The following DLG2 variants were observed in gnomAD, a reference collection of about 807,000 sequenced individuals.
DLG2 encodes the protein disks large homolog 2.
A neutral mutation model predicts 132.5 loss-of-function variants in DLG2; 45 were observed. That is an observed-to-expected ratio of 0.34 (90% CI 0.27 to 0.44). DLG2 has a LOEUF of 0.44. DLG2 is among the 20% of genes least tolerant of loss of function. DLG2 has a pLI of 1.00. For synonymous variants in DLG2, 424 were observed against 419.6 expected, an observed-to-expected ratio of 1.01 and a Z score of -0.13; for missense variants, 1,045 against 1,196.9, an observed-to-expected ratio of 0.87 and a Z score of 1.87.
At chr11:85,384,367 T>C (rs573768565) in intron 3 of DLG2, among the ~76,000 whole-genome samples, 1 of 152,034 alleles carries the variant, frequency 6.6e-6, no homozygotes, top group Non-Finnish European at 1.5e-5. Flanking sequence ...CATATAGAAA[T>C]GCAAGGGATA....
intron 18 of DLG2, among the ~76,000 whole-genome samples, chr11:83,660,957 A>T (rs1374088530): frequency 6.6e-6 from 1 of 152,130 alleles, no homozygotes; most frequent in Non-Finnish European, 1.5e-5. Context: ...GTTGGAGATT[A>T]TACTAAGTTT....
chr11:83,960,060 C>G (rs933608509), intron 14 of DLG2, among the ~76,000 whole-genome samples: 1 of 151,932 alleles, frequency 6.6e-6, no homozygotes, highest in African/African-American at 2.4e-5. Flanking sequence ...ATTTCAAGTT[C>G]TAATTCTTGC....
intron 3 of DLG2, among the ~76,000 whole-genome samples, chr11:85,460,757 T>C (rs1326967696): frequency 1.3e-5 from 2 of 152,218 alleles, no homozygotes; most frequent in African/African-American, 2.4e-5. Context: ...CATTGAAGGA[T>C]CCTGAAGAGA....
At chr11:84,537,261 C>T (rs1480819859) in intron 6 of DLG2, among the ~76,000 whole-genome samples, 1 of 152,106 alleles carries the variant, frequency 6.6e-6, no homozygotes, top group Non-Finnish European at 1.5e-5. Context: ...CGGGCACCAC[C>T]ACGCCTGGCT....
intron 3 of DLG2, among the ~76,000 whole-genome samples, chr11:85,350,518 CTTCTAGGGTT>C (rs1376681726): frequency 6.6e-6 from 1 of 152,164 alleles, no homozygotes; most frequent in Non-Finnish European, 1.5e-5. Context: ...CCTAGGTTTT[CTTCTAGGGTT>C]TTTATGGTTT....
At chr11:83,468,360 C>T (rs2091505161) in intron 25 of DLG2, among the ~76,000 whole-genome samples, 1 of 152,092 alleles carries the variant, frequency 6.6e-6, no homozygotes, top group African/African-American at 2.4e-5. Context: ...ATTCACCAGT[C>T]AGAACATTTC....
chr11:83,846,962 G>GAAAAA (rs2058749097), intron 16 of DLG2, among the ~76,000 whole-genome samples: 1 of 138,568 alleles, frequency 7.2e-6, no homozygotes, highest in African/African-American at 2.7e-5. Context: ...AAAAAAAAAG[G>GAAAAA]ATTACCCCTC....
chr11:85,131,364 C>A (rs2075695362), intron 5 of DLG2, among the ~76,000 whole-genome samples: 1 of 151,928 alleles, frequency 6.6e-6, no homozygotes, highest in South Asian at 2.1e-4. Flanking sequence ...AATAAATAAT[C>A]ATAAAACACA....
chr11:84,947,993 C>T (rs1402591787), intron 6 of DLG2, among the ~76,000 whole-genome samples: 1 of 152,146 alleles, frequency 6.6e-6, no homozygotes, highest in Non-Finnish European at 1.5e-5. Flanking sequence ...TAGCTAACTT[C>T]CTCTCTGATC....
At chr11:83,540,277 C>G (rs891368146) in intron 20 of DLG2, among the ~76,000 whole-genome samples, 2 of 152,168 alleles carry the variant, frequency 1.3e-5, no homozygotes, top group Non-Finnish European at 2.9e-5. Flanking sequence ...GGAATATAAA[C>G]AAGCCAGTGC....
At chr11:84,963,502 G>A (rs751190353) in intron 6 of DLG2, among the ~76,000 whole-genome samples, 1 of 152,118 alleles carries the variant, frequency 6.6e-6, no homozygotes, top group African/African-American at 2.4e-5. Context: ...TTCATTAACT[G>A]TTCCAGAGAC....
chr11:84,488,324 T>G (rs1007855632), intron 7 of DLG2, among the ~76,000 whole-genome samples: 1 of 151,982 alleles, frequency 6.6e-6, no homozygotes, highest in Admixed American at 6.6e-5. Context: ...TGGGAGGTGG[T>G]AGGAGAATAA....
chr11:83,978,335 C>G (rs542921876), intron 12 of DLG2, among the ~76,000 whole-genome samples: 155 of 152,094 alleles, frequency 1.0e-3, no homozygotes, highest in Non-Finnish European at 1.8e-3. Context: ...AAAGGTCAAA[C>G]CAGTAACTAT....
chr11:84,850,776 G>C (rs1328882986), intron 6 of DLG2, among the ~76,000 whole-genome samples: 1 of 151,926 alleles, frequency 6.6e-6, no homozygotes, highest in Non-Finnish European at 1.5e-5. Flanking sequence ...ATGAAATTAA[G>C]AAAACAATTT....
At chr11:84,197,836 C>T (rs1431005892) in intron 8 of DLG2, among the ~76,000 whole-genome samples, 1 of 152,054 alleles carries the variant, frequency 6.6e-6, no homozygotes, top group Non-Finnish European at 1.5e-5. Context: ...TATAGGTCAG[C>T]CTAGAGTTTC....
chr11:85,116,575 T>G (rs1262743826), intron 5 of DLG2, among the ~76,000 whole-genome samples: 1 of 151,962 alleles, frequency 6.6e-6, no homozygotes, highest in African/African-American at 2.4e-5. Context: ...TTCATTGAAT[T>G]AGTTTTCTAA....
chr11:84,212,966 A>C (rs750769066), intron 8 of DLG2, among the ~76,000 whole-genome samples: 3 of 152,024 alleles, frequency 2.0e-5, no homozygotes, highest in Non-Finnish European at 2.9e-5. Flanking sequence ...CCTTACTTTC[A>C]CTTTTATGAG....
chr11:83,707,246 G>A (rs951965929), intron 18 of DLG2, among the ~76,000 whole-genome samples: 2 of 152,156 alleles, frequency 1.3e-5, no homozygotes, highest in African/African-American at 4.8e-5. Flanking sequence ...TAGGAGAACA[G>A]AAGTAGAAAT....
At chr11:84,813,633 T>A (rs918162966) in intron 6 of DLG2, among the ~76,000 whole-genome samples, 3 of 152,092 alleles carry the variant, frequency 2.0e-5, no homozygotes, top group Non-Finnish European at 4.4e-5. Flanking sequence ...GCAGGTGGAA[T>A]AACAGATATT....
Sources: gnomAD v4.1 joint callset for allele counts (sites outside exome capture counted in the v4.1 genomes callset) on GRCh38, gnomAD v4.1.1 for gene constraint, MANE v1.5 for transcripts, NCBI Gene and HGNC (gene_info 2026-07-23, HGNC 2026-07-21) for gene names.